Variants in WNK2 observed in about 807,000 individuals in gnomAD.
The protein encoded by WNK2 is WNK lysine deficient protein kinase 2.
In WNK2, 67 loss-of-function variants were observed where a neutral mutation model predicts 192.1. The ratio of observed to expected loss-of-function variants is 0.35; its 90% CI spans 0.29 to 0.43. The LOEUF is 0.43. Ranked by LOEUF, WNK2 falls within the 20% of genes least tolerant of loss-of-function variation. The pLI is 1.00. For synonymous variants in WNK2, 1,439 were observed against 1,393.9 expected (o/e 1.03, Z -0.72); for missense variants, 2,698 against 3,089.7 (o/e 0.87, Z 3.01).
At chr9:93,203,862 G>A (rs1832910344) in intron 2 of WNK2, among the ~76,000 whole-genome samples, 1 of 152,156 alleles carries the variant, frequency 6.6e-6, no homozygotes, top group Admixed American at 6.5e-5. Context: ...CCTGGTCACT[G>A]TCCCCACTGG....
chr9:93,246,319 G>T (rs113830496), intron 7 of WNK2, among the ~76,000 whole-genome samples: 2 of 152,118 alleles, frequency 1.3e-5, no homozygotes, highest in East Asian at 3.9e-4. Flanking sequence ...TCTTAGAGCC[G>T]CGCTGCATTC....
At chr9:93,214,216 T>C (rs1324874547) in intron 2 of WNK2, among the ~76,000 whole-genome samples, 1 of 152,194 alleles carries the variant, frequency 6.6e-6, no homozygotes, top group African/African-American at 2.4e-5. Flanking sequence ...CCTATTCTTA[T>C]TTAAAGAATA....
At chr9:93,313,393 T>G (rs1854019904) in intron 28 of WNK2, among the ~76,000 whole-genome samples, 1 of 148,004 alleles carries the variant, frequency 6.8e-6, no homozygotes, top group South Asian at 2.1e-4. Flanking sequence ...ATCTCCTGTA[T>G]CTTTAAAAAA....
At chr9:93,187,819 G>A (rs1829613419) in intron 2 of WNK2, among the ~76,000 whole-genome samples, 1 of 152,138 alleles carries the variant, frequency 6.6e-6, no homozygotes, top group Non-Finnish European at 1.5e-5. Flanking sequence ...TGCTGGGCGT[G>A]TGGAACGGAA....
intron 12 of WNK2, among the ~76,000 whole-genome samples, chr9:93,261,187 T>C (rs1347564822): frequency 1.3e-5 from 2 of 152,188 alleles, no homozygotes; most frequent in Non-Finnish European, 2.9e-5. Context: ...GCCCAGTGAA[T>C]GTGGCTGTTC....
chr9:93,289,887 T>G, intron 20 of WNK2, 91 bp from the exon 21 acceptor site: 1 of 1,317,546 alleles, frequency 7.6e-7, no homozygotes, highest in Non-Finnish European at 1.0e-6. Flanking sequence ...AGGGGCAGCT[T>G]GAGATGAGGG....
intron 2 of WNK2, among the ~76,000 whole-genome samples, chr9:93,194,779 T>C (rs994302748): frequency 1.6e-4 from 25 of 152,224 alleles, no homozygotes; most frequent in Admixed American, 7.2e-4. Context: ...GCTTTATTCA[T>C]AATTGCCAGA....
At chr9:93,210,314 G>T (rs1834275768) in intron 2 of WNK2, among the ~76,000 whole-genome samples, 1 of 152,022 alleles carries the variant, frequency 6.6e-6, no homozygotes, top group African/African-American at 2.4e-5. Flanking sequence ...GGGCAGGGAT[G>T]GGGGACTGGG....
Position 93,257,559 on chromosome 9 carries a change from TC to T in WNK2, c.2382+421del, listed in dbSNP as rs1843509668. 6.6e-6 allele frequency among the ~76,000 whole-genome samples: 1 copy of T among 152,178 alleles called. No individual in the cohort carries two copies. The highest frequency in any genetic ancestry group is 2.1e-4 in the South Asian group (1 of 4,828). ...CCTCAGCTTACCCATGTGCCCAGGC[TC>T]ATCCAGGATAGGAAAAGGTTTGTTA... On this transcript the variant is annotated intron_variant, in intron 11 of 29. Coordinates refer to ENST00000427277, the MANE Select transcript of WNK2 (RefSeq NM_006648.4). This position sits in a 1 kb window ranked among gnomAD's most constrained non-coding sequence, Gnocchi z 4.7.
At chr9:93,206,093 G>A (rs1563983584) in intron 2 of WNK2, among the ~76,000 whole-genome samples, 1 of 152,246 alleles carries the variant, frequency 6.6e-6, no homozygotes, top group Non-Finnish European at 1.5e-5. Flanking sequence ...TGAGGAAACT[G>A]ATGCTGCAGA....
At chr9:93,238,188 T>G in intron 5 of WNK2, 45 bp from the exon 6 acceptor site, 1 of 1,594,814 alleles carries the variant, frequency 6.3e-7, no homozygotes, top group Non-Finnish European at 8.6e-7. Flanking sequence ...GGCCTCGCCT[T>G]CCGGCAGCCG....
At chr9:93,249,901 C>T (rs1842296825) in intron 8 of WNK2, among the ~76,000 whole-genome samples, 1 of 133,818 alleles carries the variant, frequency 7.5e-6, no homozygotes, top group Admixed American at 8.1e-5. Flanking sequence ...GCAACAGATG[C>T]TACCAATTTT....
At chr9:93,217,497 T>C (rs1479729505) in intron 2 of WNK2, among the ~76,000 whole-genome samples, 1 of 152,206 alleles carries the variant, frequency 6.6e-6, no homozygotes, top group Non-Finnish European at 1.5e-5. Context: ...ATGTGTGCTG[T>C]GTACCTGCCG....
intron 19 of WNK2, among the ~76,000 whole-genome samples, chr9:93,272,754 A>AAAAAG (rs1846195472): frequency 6.6e-6 from 1 of 151,140 alleles, no homozygotes; most frequent in Non-Finnish European, 1.5e-5. Flanking sequence ...AAAAAAAAAA[A>AAAAAG]AATTCAAATA....
chr9:93,246,165 T>C (rs1044479905), intron 7 of WNK2, among the ~76,000 whole-genome samples: 5 of 152,206 alleles, frequency 3.3e-5, no homozygotes, highest in Admixed American at 6.5e-5. Flanking sequence ...ACTGTTCATT[T>C]TGATGCTCAA....
At chr9:93,215,015 T>C (rs1443100462) in intron 2 of WNK2, among the ~76,000 whole-genome samples, 2 of 151,894 alleles carry the variant, frequency 1.3e-5, no homozygotes, top group East Asian at 3.9e-4. Context: ...CCTGAGTAGC[T>C]GGAACTGCAG....
chr9:93,202,325 C>CGTGTGTGTGTGT (rs761769543), intron 2 of WNK2, among the ~76,000 whole-genome samples: 2,690 of 130,540 alleles, frequency 0.021, 37 homozygotes, highest in Non-Finnish European at 0.026. Flanking sequence ...TCCGTGTGCA[C>CGTGTGTGTGTGT]GTGTGTGTGT....
At chr9:93,238,572 C>T (rs921007086) in intron 6 of WNK2, among the ~76,000 whole-genome samples, 1 of 152,146 alleles carries the variant, frequency 6.6e-6, no homozygotes, top group African/African-American at 2.4e-5. Flanking sequence ...TTGGGGACAG[C>T]CCCCTCCTTG....
At chr9:93,197,678 A>G (rs772597644) in intron 2 of WNK2, among the ~76,000 whole-genome samples, 4 of 152,120 alleles carry the variant, frequency 2.6e-5, no homozygotes, top group African/African-American at 7.2e-5. Flanking sequence ...GTACACCACC[A>G]TGCCCAGCTA....
Sources: gnomAD v4.1 joint callset for allele counts (sites outside exome capture counted in the v4.1 genomes callset) on GRCh38, gnomAD v4.1.1 for gene constraint, Gnocchi (gnomAD v3.1) non-coding constraint, MANE v1.5 for transcripts, NCBI Gene and HGNC (gene_info 2026-07-23, HGNC 2026-07-21) for gene names.